AGL: variants seen among roughly 807,000 people sequenced by gnomAD.
AGL encodes glycogen debranching enzyme.
AGL carries 128 observed loss-of-function variants against 199.3 expected under a neutral mutation model. The observed-to-expected ratio is 0.64, with a 90% CI of 0.56 to 0.74. The LOEUF is 0.74. AGL is among the 30% of genes least tolerant of loss of function. The pLI, the probability that AGL is intolerant of heterozygous loss-of-function variation, is 0.00. For synonymous variants in AGL, 584 were observed against 594.7 expected, an observed-to-expected ratio of 0.98 and a Z score of 0.26; for missense variants, 1,809 against 1,820.8, an observed-to-expected ratio of 0.99 and a Z score of 0.12.
At chr1:99,855,859 CT>C (rs752455507) in intron 2 of AGL, among the ~76,000 whole-genome samples, 2 of 151,620 alleles carry the variant, frequency 1.3e-5, no homozygotes, top group Non-Finnish European at 2.9e-5. Context: ...ATTCTTCCAT[CT>C]TTTAAGTAGG....
chr1:99,876,410 C>T (rs1466122923), intron 10 of AGL, 48 bp from the exon 11 acceptor site: 2 of 1,360,026 alleles, frequency 1.5e-6, no homozygotes, highest in East Asian at 5.0e-5. Flanking sequence ...TATATTCTCT[C>T]CAAGGAGTTT....
Position 99,922,512 on chromosome 1 carries a change from C to T in AGL, c.*861C>T, listed in dbSNP as rs1655582322. ...ATACTGGTTTTCTATTAACTCAAAA[C>T]CTACATTGACAAGTTTAACATTGAG... On this transcript the variant is annotated 3_prime_UTR_variant, in exon 34 of 34. Coordinates refer to ENST00000361915, the MANE Select transcript of AGL (RefSeq NM_000642.3). 1 of 151,586 alleles carries T rather than the reference C, an allele frequency of 6.6e-6. No individual in the cohort carries two copies. Among genetic ancestry groups the T allele is most frequent in the Non-Finnish European group, 1.5e-5 (1 of 67,754 alleles). The allele number at this position is 151,586 out of a possible 1,614,324, so 9.4% of individuals were successfully genotyped here.
At chr1:99,910,099 TTTA>T (rs576828506) in intron 27 of AGL, among the ~76,000 whole-genome samples, 1 of 152,194 alleles carries the variant, frequency 6.6e-6, no homozygotes, top group African/African-American at 2.4e-5. Context: ...ATTTATCTTT[TTTA>T]TATAAATTTA....
rs746869502 is a variant in AGL, at chr1:99,913,514, T to C, written c.3950-13T>C. On this transcript the variant is annotated splice_polypyrimidine_tract_variant and intron_variant, in intron 29 of 33. Coordinates refer to ENST00000361915, the MANE Select transcript of AGL (RefSeq NM_000642.3). Reference sequence around the variant, plus strand: ...GAATGATTAAAACTACCATGTCTTATGTCATTTTTCAGGAAAGGCTATAAA... The same window carrying C: ...GAATGATTAAAACTACCATGTCTTACGTCATTTTTCAGGAAAGGCTATAAA... 3.8e-6 allele frequency: 6 copies of C among 1,592,676 alleles called. No individual in the cohort carries two copies. The highest frequency in any genetic ancestry group is 4.5e-5 in the East Asian group (2 of 44,736).
rs373221409 is a variant in AGL at position 99,886,753 on chromosome 1, G to A, written c.2682-1225G>A. Among the ~76,000 whole-genome samples, 15 of 152,018 alleles carry A rather than the reference G, an allele frequency of 9.9e-5. 1 individual carries two copies. The highest frequency in any genetic ancestry group is 4.2e-4 in the South Asian group (2 of 4,806). On this transcript the variant is annotated intron_variant, in intron 20 of 33. Transcript: ENST00000361915. ...ATTACCCCATTTTGCTATTGTGTTC[G>A]GCTTTCTTTGTTGTTTTGTAAGACT...
Position 99,916,309 on chromosome 1 carries a change from AATTG to A in AGL, c.4260-97_4260-94del, listed in dbSNP as rs1219635621. ...GAGCTTATTCTGTAGAAGACAAAATAATTGATTATTTCTCTTACCTTTGTTATTG... is the reference window on the plus strand; with the variant it reads ...GAGCTTATTCTGTAGAAGACAAAATAATTATTTCTCTTACCTTTGTTATTG... On this transcript the variant is annotated intron_variant, in intron 31 of 33. Coordinates refer to ENST00000361915, the MANE Select transcript of AGL (RefSeq NM_000642.3). 84 of 937,848 alleles carry A rather than the reference AATTG, an allele frequency of 9.0e-5. No individual in the cohort carries two copies. The South Asian group carries it at 1.1e-3, about 12-fold the overall frequency. The allele number at this position is 937,848 out of a possible 1,614,324, so 58.1% of individuals were successfully genotyped here.
chr1:99,883,507 T>G (rs928171204), intron 17 of AGL, among the ~76,000 whole-genome samples: 1 of 152,200 alleles, frequency 6.6e-6, no homozygotes, highest in Non-Finnish European at 1.5e-5. Context: ...GTAAATGTGC[T>G]GTAGCTGATG....
rs17450460 is a variant in AGL, at chr1:99,914,262, A to G, written c.4161+524A>G. 0.012 allele frequency among the ~76,000 whole-genome samples: 1,903 copies of G among 152,354 alleles called. 57 individuals are homozygous for G. The South Asian group carries it at 0.15, about 12-fold the overall frequency. On this transcript the variant is annotated intron_variant, in intron 30 of 33. Coordinates refer to ENST00000361915, the MANE Select transcript of AGL (RefSeq NM_000642.3). ...TGAAAGCTGAGGGTCTCTGTATCCTACACACCTGTGCTATAACCAGTGCCT... is the reference window on the plus strand; with the variant it reads ...TGAAAGCTGAGGGTCTCTGTATCCTGCACACCTGTGCTATAACCAGTGCCT...
intron 24 of AGL, 28 bp downstream of exon 24, chr1:99,892,635 A>G (rs1652992875): frequency 3.1e-6 from 5 of 1,601,818 alleles, no homozygotes; most frequent in Non-Finnish European, 4.3e-6. Context: ...AGGTTAAAAT[A>G]TGTAAATCGA....
At position 99,892,627 on chromosome 1, in the gene AGL, G is replaced by T. The variant is rs768562668; in HGVS notation, c.3259+20G>T. On this transcript the variant is annotated intron_variant, in intron 24 of 33. Coordinates refer to ENST00000361915, the MANE Select transcript of AGL (RefSeq NM_000642.3). ...CTGCAGGTAAGGAATTATGTACAAGGTTAAAATATGTAAATCGATAGTATT... is the reference window on the plus strand; with the variant it reads ...CTGCAGGTAAGGAATTATGTACAAGTTTAAAATATGTAAATCGATAGTATT... 5.6e-6 allele frequency: 9 copies of T among 1,608,402 alleles called. No individual in the cohort carries two copies. Among genetic ancestry groups the T allele is most frequent in the East Asian group, 2.2e-5 (1 of 44,772 alleles).
chr1:99,875,315 T>C, intron 9 of AGL, 43 bp from the exon 10 acceptor site: 1 of 1,613,108 alleles, frequency 6.2e-7, no homozygotes. Context: ...TTTTTTGTTG[T>C]CTTGAGGATG....
At chr1:99,869,368 C>A (rs1650796337) in intron 5 of AGL, among the ~76,000 whole-genome samples, 1 of 151,814 alleles carries the variant, frequency 6.6e-6, no homozygotes, top group Non-Finnish European at 1.5e-5. Context: ...AAATGACTTA[C>A]TAAATAAATG....
intron 27 of AGL, among the ~76,000 whole-genome samples, chr1:99,907,068 G>A (rs1336544455): frequency 6.6e-6 from 1 of 152,178 alleles, no homozygotes; most frequent in Non-Finnish European, 1.5e-5. Context: ...GGTGTGAGGT[G>A]ATATCCCATT....
At chr1:99,862,220 A>G in intron 3 of AGL, 37 bp from the exon 4 acceptor site, 1 of 1,607,008 alleles carries the variant, frequency 6.2e-7, no homozygotes, top group Non-Finnish European at 8.5e-7. Context: ...TTTTTCTATC[A>G]CTGACTGAAA....
chr1:99,861,381 C>T (rs1185862886), intron 2 of AGL, 122 bp from the exon 3 acceptor site: 88 of 1,542,684 alleles, frequency 5.7e-5, no homozygotes, highest in Middle Eastern at 2.3e-4. Context: ...ATTAGGTTTG[C>T]GGAGTTATTT....
intron 27 of AGL, among the ~76,000 whole-genome samples, chr1:99,907,196 T>C (rs1654353721): frequency 1.3e-5 from 2 of 152,202 alleles, no homozygotes; most frequent in Non-Finnish European, 2.9e-5. Flanking sequence ...TGCCCATTTT[T>C]TAATTGGTTT....
chr1:99,881,197 C>T lies in AGL; in HGVS notation c.2001+20C>T. 6.2e-7 allele frequency: 1 copy of T among 1,612,770 alleles called. No individual in the cohort carries two copies. The highest frequency in any genetic ancestry group is 8.5e-7 in the Non-Finnish European group (1 of 1,178,906). On this transcript the variant is annotated intron_variant, in intron 15 of 33. Coordinates refer to ENST00000361915, the MANE Select transcript of AGL (RefSeq NM_000642.3). ...CATCAGGTTTGTTTATATGTTGTTT[C>T]TTAAAACCTACATGGCCAACAACTT... is the stretch of plus-strand genomic sequence containing the variant.
chr1:99,864,104 A>G (rs1307263482), intron 4 of AGL, among the ~76,000 whole-genome samples: 3 of 152,226 alleles, frequency 2.0e-5, no homozygotes, highest in Non-Finnish European at 4.4e-5. Context: ...TGTTAAGTAT[A>G]TAAATTTTCT....
intron 30 of AGL, 60 bp downstream of exon 30, chr1:99,913,798 C>A: frequency 1.3e-6 from 2 of 1,496,880 alleles, no homozygotes; most frequent in Non-Finnish European, 1.9e-6. Context: ...TGCTTAGTTC[C>A]TTATTCCCAT....
Sources: gnomAD v4.1 joint callset for allele counts (sites outside exome capture counted in the v4.1 genomes callset) on GRCh38, gnomAD v4.1.1 for gene constraint, MANE v1.5 for transcripts, NCBI Gene and HGNC (gene_info 2026-07-23, HGNC 2026-07-21) for gene names.